OPCML: variants seen among roughly 807,000 people sequenced by gnomAD.
OPCML encodes the protein opioid binding protein/cell adhesion molecule like, also known as opioid-binding protein/cell adhesion molecule.
Under a neutral mutation model 37.8 loss-of-function variants are expected in OPCML, and 13 were observed. That is an observed-to-expected ratio of 0.34 (90% CI 0.22 to 0.55). The LOEUF is 0.55. Ranked by LOEUF, OPCML falls within the 20% of genes least tolerant of loss-of-function variation. The pLI is 0.91. For missense variants in OPCML, 341 were observed against 435.6 expected (o/e 0.78, Z 1.93); for synonymous variants, 176 against 168.8 (o/e 1.04, Z -0.33).
chr11:133,389,249 A>G (rs1168016591), intron 1 of OPCML, among the ~76,000 whole-genome samples: 1 of 152,206 alleles, frequency 6.6e-6, no homozygotes, highest in Non-Finnish European at 1.5e-5. Flanking sequence ...TTAAAATGCA[A>G]ATATGTATGC....
At chr11:132,639,273 A>T (rs1421444270) in intron 3 of OPCML, among the ~76,000 whole-genome samples, 1 of 152,174 alleles carries the variant, frequency 6.6e-6, no homozygotes, top group Non-Finnish European at 1.5e-5. Context: ...GTGCCTAGAA[A>T]ACAGGTTTAC....
At chr11:133,528,327 T>C (rs1031694382) in intron 1 of OPCML, among the ~76,000 whole-genome samples, 2 of 152,226 alleles carry the variant, frequency 1.3e-5, no homozygotes, top group African/African-American at 2.4e-5. Flanking sequence ...GAGGGCCACA[T>C]GATGGCGTGA....
Position 133,275,324 on chromosome 11 carries a change from A to ATT in OPCML, c.61+256938_61+256939dup, listed in dbSNP as rs111940938. Among the ~76,000 whole-genome samples, 467 of 151,928 alleles carry ATT rather than the reference A, an allele frequency of 3.1e-3. 2 individuals are homozygous for ATT. Among genetic ancestry groups the ATT allele is most frequent in the African/African-American group, 0.011 (450 of 41,446 alleles). On this transcript the variant is annotated intron_variant, in intron 1 of 7. Coordinates refer to ENST00000524381, the MANE Select transcript of OPCML (RefSeq NM_001012393.5). ...AAGAAAGGGCAGAAGTTAGGTGCCA[A>ATT]TTTTTTTTTATTTTGCCAAGTAACA...
At chr11:133,093,445 T>C (rs1948945679) in intron 1 of OPCML, among the ~76,000 whole-genome samples, 1 of 152,184 alleles carries the variant, frequency 6.6e-6, no homozygotes, top group Admixed American at 6.5e-5. Flanking sequence ...TTTATCCTAA[T>C]GCTCTCCCTC....
Position 132,427,487 on chromosome 11 carries a change from G to A in OPCML, c.917-7194C>T, listed in dbSNP as rs139218159. 1.1e-4 allele frequency among the ~76,000 whole-genome samples: 17 copies of A among 152,268 alleles called. No homozygotes were observed. The East Asian group carries it at 2.7e-3, about 24-fold the overall frequency. On this transcript the variant is annotated intron_variant, in intron 7 of 7. Coordinates refer to ENST00000524381, the MANE Select transcript of OPCML (RefSeq NM_001012393.5). ...ATTGAGTTTAATTACAGCGGCAAAC[G>A]TGGCGCTGTGTTGTTTCACAAGTAA...
chr11:132,778,286 G>T (rs575151503), intron 2 of OPCML, among the ~76,000 whole-genome samples: 1 of 152,272 alleles, frequency 6.6e-6, no homozygotes, highest in African/African-American at 2.4e-5. Flanking sequence ...CACTGCACTG[G>T]CCCCAGGCCA....
At chr11:132,709,111 A>T (rs1479557480) in intron 2 of OPCML, among the ~76,000 whole-genome samples, 3 of 152,158 alleles carry the variant, frequency 2.0e-5, no homozygotes, top group Admixed American at 6.5e-5. Flanking sequence ...TCCTGTGGTG[A>T]TATTCATCAA....
chr11:133,155,980 T>A (rs1262215155), intron 1 of OPCML, among the ~76,000 whole-genome samples: 1 of 152,084 alleles, frequency 6.6e-6, no homozygotes, highest in African/African-American at 2.4e-5. Flanking sequence ...AAGGTCGGGA[T>A]CTTATTTCTT....
At chr11:133,169,784 T>G (rs1462521306) in intron 1 of OPCML, among the ~76,000 whole-genome samples, 3 of 152,160 alleles carry the variant, frequency 2.0e-5, no homozygotes, top group Non-Finnish European at 4.4e-5. Flanking sequence ...AGAGATGGAT[T>G]GAGATGCATC....
Position 133,211,309 on chromosome 11 carries a change from A to C in OPCML, c.62-268299T>G, listed in dbSNP as rs1048740411. Among the ~76,000 whole-genome samples the C allele has an allele frequency of 6.6e-6, 1 of 152,142 alleles. No homozygotes were observed. Among genetic ancestry groups the C allele is most frequent in the Non-Finnish European group, 1.5e-5 (1 of 68,034 alleles). ...AGACCACAGCACCCAGCACCTAAAA[A>C]TCCACTCTTTAAGCATAATAGTCTA... is the stretch of plus-strand genomic sequence containing the variant. On this transcript the variant is annotated intron_variant, in intron 1 of 7. Coordinates refer to ENST00000524381, the MANE Select transcript of OPCML (RefSeq NM_001012393.5). The surrounding 1 kb of genome is among the most constrained non-coding windows in gnomAD (Gnocchi z 4.1).
At chr11:132,680,156 G>A (rs760529858) in intron 2 of OPCML, among the ~76,000 whole-genome samples, 20 of 152,260 alleles carry the variant, frequency 1.3e-4, no homozygotes, top group Admixed American at 5.9e-4. Context: ...CTGAGTGGCC[G>A]TGATCAAGCC....
At chr11:132,425,519 A>C (rs2095975187) in intron 7 of OPCML, among the ~76,000 whole-genome samples, 1 of 152,242 alleles carries the variant, frequency 6.6e-6, no homozygotes, top group Non-Finnish European at 1.5e-5. Context: ...CTACCCTTGC[A>C]GGATTGCTCT....
At chr11:133,018,630 C>A (rs1190858264) in intron 1 of OPCML, among the ~76,000 whole-genome samples, 2 of 152,180 alleles carry the variant, frequency 1.3e-5, no homozygotes, top group Non-Finnish European at 2.9e-5. Flanking sequence ...GTCAGCCAGT[C>A]CATTGTGCGG....
intron 1 of OPCML, chr11:133,008,519 G>T (rs1015619640): frequency 4.3e-5 from 33 of 766,832 alleles, no homozygotes; most frequent in Middle Eastern, 6.5e-4. Context: ...AGGAATATTC[G>T]CTGTGGAAGG....
At chr11:132,971,990 T>A (rs1946352685) in intron 1 of OPCML, among the ~76,000 whole-genome samples, 1 of 152,188 alleles carries the variant, frequency 6.6e-6, no homozygotes, top group African/African-American at 2.4e-5. Context: ...AGTCATTTGC[T>A]TTTACAGCAG....
chr11:133,131,684 T>A (rs1022987733), intron 1 of OPCML, among the ~76,000 whole-genome samples: 17 of 152,216 alleles, frequency 1.1e-4, no homozygotes, highest in Admixed American at 9.8e-4. Context: ...ATGAGTTAAA[T>A]ACTTATGTCC....
chr11:132,882,406 G>A (rs1389707988), intron 2 of OPCML, among the ~76,000 whole-genome samples: 2 of 152,202 alleles, frequency 1.3e-5, no homozygotes, highest in African/African-American at 4.8e-5. Context: ...AACCAGGAAG[G>A]AAGATAGCAA....
At chr11:133,192,242 C>T (rs1335405148) in intron 1 of OPCML, among the ~76,000 whole-genome samples, 1 of 152,184 alleles carries the variant, frequency 6.6e-6, no homozygotes, top group African/African-American at 2.4e-5. Flanking sequence ...GTCAATAATA[C>T]TAATATCTTG....
intron 2 of OPCML, among the ~76,000 whole-genome samples, chr11:132,760,404 A>C (rs888639851): frequency 1.3e-4 from 20 of 152,142 alleles, no homozygotes; most frequent in African/African-American, 4.1e-4. Flanking sequence ...CGAGTGTTAA[A>C]GTCTCCCCCT....
Sources: allele counts gnomAD v4.1 joint callset (sites outside exome capture counted in the v4.1 genomes callset), GRCh38; gene constraint gnomAD v4.1.1; non-coding constraint Gnocchi (gnomAD v3.1); transcripts MANE v1.5; gene names NCBI Gene and HGNC (gene_info 2026-07-23, HGNC 2026-07-21).